Variants in COL5A1 observed in about 807,000 individuals in gnomAD.
The protein encoded by COL5A1 is collagen type V alpha 1 chain, also known as collagen alpha-1(V) chain.
In COL5A1, 16 loss-of-function variants were observed where a neutral mutation model predicts 263.7. That is an observed-to-expected ratio of 0.06 (90% CI 0.04 to 0.09). COL5A1 has a LOEUF of 0.09. Ranked by LOEUF, COL5A1 falls within the 10% of genes least tolerant of loss-of-function variation. The pLI is 1.00. For synonymous variants in COL5A1, 1,012 were observed against 1,004.5 expected (o/e 1.01, Z -0.14); for missense variants, 2,036 against 2,540.5 (o/e 0.80, Z 4.27).
chr9:134,792,576 G>T (rs1003844077), intron 32 of COL5A1, among the ~76,000 whole-genome samples: 6 of 152,086 alleles, frequency 3.9e-5, no homozygotes, highest in Admixed American at 2.6e-4. Context: ...TGTTGACCGG[G>T]CCAGTTTCGA....
At chr9:134,833,030 C>T (rs1270833184) in intron 64 of COL5A1, among the ~76,000 whole-genome samples, 13 of 152,220 alleles carry the variant, frequency 8.5e-5, no homozygotes, top group East Asian at 1.9e-4. Flanking sequence ...CACACCACCA[C>T]GAGGCAGCGG....
Position 134,835,170 on chromosome 9 carries a change from A to T in COL5A1, c.5336A>T (p.Asn1779Ile). 1 of 1,613,666 alleles carries T rather than the reference A, an allele frequency of 6.2e-7. No homozygotes were observed. The highest frequency in any genetic ancestry group is 8.5e-7 in the Non-Finnish European group (1 of 1,179,992). The change falls in exon 65 of 66, where the codon AAC becomes ATC. Residue 1779 changes from asparagine (N) to isoleucine (I), a missense_variant. Asn to Ile is a moderately radical substitution (Grantham distance 149). Coordinates refer to ENST00000371817, the MANE Select transcript of COL5A1 (RefSeq NM_000093.5). ...SNDEEMSYDN[N>I]PYIRALVDGC... ...GACGAGGAGATGTCCTATGACAACA[A>T]CCCCTACATCCGCGCCCTGGTGGAC...
intron 1 of COL5A1, among the ~76,000 whole-genome samples, chr9:134,687,051 G>A (rs960372738): frequency 3.3e-5 from 5 of 152,330 alleles, no homozygotes; most frequent in Admixed American, 1.3e-4. Context: ...CCACCATAGC[G>A]AGGCTGCCAC....
At chr9:134,706,462 T>C (rs1833841859) in intron 4 of COL5A1, among the ~76,000 whole-genome samples, 1 of 152,182 alleles carries the variant, frequency 6.6e-6, no homozygotes, top group South Asian at 2.1e-4. Context: ...AAGGTGGGGA[T>C]GTGTGAGTTA....
intron 2 of COL5A1, among the ~76,000 whole-genome samples, chr9:134,694,815 C>T (rs1833403181): frequency 6.6e-6 from 1 of 152,140 alleles, no homozygotes; most frequent in East Asian, 1.9e-4. Context: ...CCTCGGTCCC[C>T]TGTGTCTGCA....
intron 62 of COL5A1, among the ~76,000 whole-genome samples, chr9:134,825,258 C>T (rs991910308): frequency 2.0e-5 from 3 of 152,148 alleles, no homozygotes; most frequent in African/African-American, 4.8e-5. Context: ...GTGTTAGGAC[C>T]GGCAGCAGAC....
chr9:134,782,556 C>T (rs1424460327), intron 28 of COL5A1, 111 bp from the exon 29 acceptor site: 1 of 1,041,962 alleles, frequency 9.6e-7, no homozygotes, highest in African/African-American at 1.6e-5. Context: ...TGTGCTGCCC[C>T]CCAAGCGTGG....
chr9:134,660,815 C>T (rs1489177008), intron 1 of COL5A1, among the ~76,000 whole-genome samples: 3 of 152,196 alleles, frequency 2.0e-5, no homozygotes, highest in African/African-American at 4.8e-5. Context: ...TCTATAGAAA[C>T]AGGCAAGGTC....
chr9:134,814,899 A>G lies in COL5A1; in HGVS notation c.4009A>G (p.Ser1337Gly). ...TCCCGGAGATGATGGTCCCAAAGGC[A>G]GCCCTGTGAGTATTCCAGACACACC... ...GPPGDDGPKG[S>G]PGPVGFPGDP... Residue 1337 changes from serine to glycine, a missense_variant, in exon 50 of 66, where the codon AGC becomes GGC. Around this residue, in one of 3 missense-constraint regions of COL5A1, gnomAD observed 1,078 missense variants for 1,521.4 expected, o/e 0.71. Coordinates refer to ENST00000371817, the MANE Select transcript of COL5A1 (RefSeq NM_000093.5). The G allele has an allele frequency of 6.5e-7, 1 of 1,550,318 alleles. No homozygotes were observed. The highest frequency in any genetic ancestry group is 2.0e-5 in the Admixed American group (1 of 51,014).
chr9:134,755,038 T>A lies in COL5A1; in HGVS notation c.1827+712T>A, dbSNP rs989541539. Among the ~76,000 whole-genome samples, 1 of 152,128 alleles carries A rather than the reference T, an allele frequency of 6.6e-6. No individual in the cohort carries two copies. The highest frequency in any genetic ancestry group is 1.5e-5 in the Non-Finnish European group (1 of 68,034). ...ATAGTCTGAGTCAACAAGGCAAAAA[T>A]GGGTCCTTCCCTAGTGGTTCTGGAT... On this transcript the variant is annotated intron_variant, in intron 16 of 65. Coordinates refer to ENST00000371817, the MANE Select transcript of COL5A1 (RefSeq NM_000093.5). The surrounding 1 kb of genome is among the most constrained non-coding windows in gnomAD (Gnocchi z 4.1).
chr9:134,842,536 C>A lies in COL5A1; in HGVS notation c.*233C>A. The A allele has an allele frequency of 1.7e-6, 1 of 604,264 alleles. No individual in the cohort carries two copies. The highest frequency in any genetic ancestry group is 2.9e-6 in the Non-Finnish European group (1 of 340,292). 37.4% of individuals were successfully genotyped at this position (604,264 alleles called of 1,614,324 possible). A position where few individuals can be genotyped will look rare whatever the true frequency, so the allele number is the denominator to read the frequency against. ...ATCACATGACCTAGCTGCACCCCAG[C>A]GCCTGGGCCCGCCCCACGCTCTGTC... is the stretch of plus-strand genomic sequence containing the variant. On this transcript the variant is annotated 3_prime_UTR_variant, in exon 66 of 66. Coordinates refer to ENST00000371817, the MANE Select transcript of COL5A1 (RefSeq NM_000093.5). The surrounding 1 kb of genome is among the most constrained non-coding windows in gnomAD (Gnocchi z 5.8).
chr9:134,689,264 C>A (rs12353032), intron 1 of COL5A1, among the ~76,000 whole-genome samples: 6,276 of 152,240 alleles, frequency 0.041, 412 homozygotes, highest in African/African-American at 0.14. Flanking sequence ...CCCATCTCAC[C>A]TCCAAACCTT....
chr9:134,655,064 GGAGGTGTGTAGGGCTA>G (rs1336675760), intron 1 of COL5A1, among the ~76,000 whole-genome samples: 68 of 131,882 alleles, frequency 5.2e-4, no homozygotes, highest in Non-Finnish European at 7.8e-4. Context: ...GTGTAGGGCT[GGAGGTGTGTAGGGCTA>G]GGGGTGTGTA....
rs1834801631 is a variant in COL5A1, at chr9:134,729,600, AC to A, written c.925-635del. On this transcript the variant is annotated intron_variant, in intron 6 of 65. Transcript: ENST00000371817. ...TGTGTGAGCGTGTGTGCATGCGGGC[AC>A]GGGTGTGCATGAGCCTGTGTGTGTG... 7.8e-5 allele frequency among the ~76,000 whole-genome samples: 2 copies of A among 25,624 alleles called. 1 individual carries two copies. Among genetic ancestry groups the A allele is most frequent in the Admixed American group, 8.3e-4 (2 of 2,418 alleles). The allele number at this position is 25,624 out of a possible 152,430, so 16.8% of individuals were successfully genotyped here. A position where few individuals can be genotyped will look rare whatever the true frequency, so the allele number is the denominator to read the frequency against.
At position 134,842,433 on chromosome 9, in the gene COL5A1, A is replaced by G; in HGVS notation, c.*130A>G. The G allele has an allele frequency of 8.8e-7, 1 of 1,130,864 alleles. No individual in the cohort carries two copies. The highest frequency in any genetic ancestry group is 1.4e-5 in the South Asian group (1 of 73,566). The allele number at this position is 1,130,864 out of a possible 1,614,324, so 70.1% of individuals were successfully genotyped here. On this transcript the variant is annotated 3_prime_UTR_variant, in exon 66 of 66. Transcript: ENST00000371817. The surrounding 1 kb of genome is among the most constrained non-coding windows in gnomAD (Gnocchi z 5.8). ...CCTCCCCTCCCACCTGACTTCATCT[A>G]CGCCTCGGCACCACGGGGTGTGGGA...
chr9:134,775,018 C>A (rs1837002441), intron 27 of COL5A1, 106 bp downstream of exon 27: 5 of 1,068,496 alleles, frequency 4.7e-6, no homozygotes, highest in Non-Finnish European at 7.1e-6. Context: ...AATGTCCCTG[C>A]TATTCAGTCT....
In COL5A1 at chr9:134,732,063, A is replaced by AC. The variant is rs773903401; in HGVS notation, c.1333-3dup. 24 of 1,612,956 alleles carry AC rather than the reference A, an allele frequency of 1.5e-5. No homozygotes were observed. The highest frequency in any genetic ancestry group is 1.3e-5 in the African/African-American group (1 of 74,636). ...ATTCTCTTTCCATCTGCCTTTTATC[A>AC]CCCCCAGATTGGAGGACCTCGGGGC... On this transcript the variant is annotated splice_region_variant and splice_polypyrimidine_tract_variant and intron_variant, in intron 8 of 65. Transcript: ENST00000371817.
At chr9:134,720,331 T>C (rs1834407075) in intron 4 of COL5A1, among the ~76,000 whole-genome samples, 1 of 152,186 alleles carries the variant, frequency 6.6e-6, no homozygotes, top group African/African-American at 2.4e-5. Flanking sequence ...TGGCCCTTTG[T>C]TTCCAGGCCG....
chr9:134,750,878 C>T lies in COL5A1; in HGVS notation c.1658C>T (p.Ala553Val), dbSNP rs767143136. ...ESQAQAILQQ[A>V]RLALRGPAGP... ...CAGGCGCAAGCCATTCTCCAGCAGG[C>T]CAGGGTGAGTACTGCTGGGTCCCAA... is the stretch of plus-strand genomic sequence containing the variant. The change falls in exon 13 of 66, where the codon GCC (alanine) becomes GTC (valine). Residue 553 changes from alanine to valine, a missense_variant. Around this residue, in one of 3 missense-constraint regions of COL5A1, gnomAD observed 1,078 missense variants for 1,521.4 expected, o/e 0.71. Transcript: ENST00000371817. The T allele has an allele frequency of 6.2e-7, 1 of 1,612,616 alleles. No homozygotes were observed. Among genetic ancestry groups the T allele is most frequent in the East Asian group, 2.2e-5 (1 of 44,870 alleles).
Sources: allele counts gnomAD v4.1 joint callset (sites outside exome capture counted in the v4.1 genomes callset), GRCh38; gene constraint gnomAD v4.1.1; regional missense constraint gnomAD v4.1.1; non-coding constraint Gnocchi (gnomAD v3.1); transcripts MANE v1.5; gene names NCBI Gene and HGNC (gene_info 2026-07-23, HGNC 2026-07-21).